Variants in IFI27L1 observed in about 807,000 individuals in gnomAD.
IFI27L1 encodes interferon alpha-inducible protein 27-like protein 1.
A neutral mutation model predicts 9.2 loss-of-function variants in IFI27L1; 3 were observed. That is an observed-to-expected ratio of 0.32 (90% CI 0.15 to 0.84). The LOEUF is 0.84. Ranked by LOEUF, IFI27L1 falls within the 40% of genes least tolerant of loss-of-function variation. IFI27L1 has a pLI of 0.56. For synonymous variants in IFI27L1, 53 were observed against 50.0 expected, an observed-to-expected ratio of 1.06 and a Z score of -0.26; for missense variants, 133 against 134.2, an observed-to-expected ratio of 0.99 and a Z score of 0.05.
chr14:94,101,389 G>C, intron 3 of IFI27L1: 1 of 236,488 alleles, frequency 4.2e-6, no homozygotes, highest in East Asian at 1.0e-4. Flanking sequence ...GGACCCCCGC[G>C]TGCTGCTGCA....
At position 94,100,632 on chromosome 14, in the gene IFI27L1, G is replaced by A. The variant is rs1886857843; in HGVS notation, c.29-107G>A. 9.4e-6 allele frequency: 15 copies of A among 1,593,640 alleles called. No homozygotes were observed. The South Asian group carries it at 1.4e-4, about 15-fold the overall frequency. On this transcript the variant is annotated intron_variant, in intron 2 of 4. Coordinates refer to ENST00000555523, the MANE Select transcript of IFI27L1 (RefSeq NM_206949.3). ...AGGATGAGTAGGGGGCTTCAGAAGA[G>A]GGAAAGAATAGCAAAGTTGAATTTG...
intron 2 of IFI27L1, chr14:94,100,242 A>AT: frequency 3.0e-6 from 3 of 984,082 alleles, no homozygotes; most frequent in Non-Finnish European, 3.6e-6. Context: ...GCAGGGAGTG[A>AT]TGGGAGGATT....
intron 1 of IFI27L1, among the ~76,000 whole-genome samples, chr14:94,084,438 G>A (rs1425867833): frequency 6.6e-6 from 1 of 152,200 alleles, no homozygotes; most frequent in Non-Finnish European, 1.5e-5. Context: ...AGAGGTCAAG[G>A]CTGCAGTGAG....
At chr14:94,098,454 A>C (rs941539230) in intron 2 of IFI27L1, among the ~76,000 whole-genome samples, 1 of 152,062 alleles carries the variant, frequency 6.6e-6, no homozygotes, top group African/African-American at 2.4e-5. Flanking sequence ...GGCCCACCCT[A>C]CTCCAGTATG....
chr14:94,082,206 C>T (rs963230320), intron 1 of IFI27L1, among the ~76,000 whole-genome samples: 3 of 152,296 alleles, frequency 2.0e-5, no homozygotes, highest in Non-Finnish European at 4.4e-5. Context: ...CTACAGCATC[C>T]CCTAAACCCA....
At chr14:94,094,266 G>C (rs1315725472) in intron 1 of IFI27L1, among the ~76,000 whole-genome samples, 1 of 152,178 alleles carries the variant, frequency 6.6e-6, no homozygotes, top group Non-Finnish European at 1.5e-5. Flanking sequence ...ACTCTTTGCT[G>C]ATGGCTGTGG....
chr14:94,097,209 C>T lies in IFI27L1; in HGVS notation c.28+244C>T, dbSNP rs1886707182. Among the ~76,000 whole-genome samples the T allele has an allele frequency of 2.6e-5, 4 of 152,286 alleles. No individual in the cohort carries two copies. In the South Asian group the frequency reaches 8.3e-4, roughly 32 times the overall value. On this transcript the variant is annotated intron_variant, in intron 2 of 4. Coordinates refer to ENST00000555523, the MANE Select transcript of IFI27L1 (RefSeq NM_206949.3). ...AAAGGAAGACAAAGGTTTTTAAAAG[C>T]AAAACAAGGAAAGTTACTAAGTGGT...
At chr14:94,101,251 C>G (rs1015039860) in intron 3 of IFI27L1, 1 of 244,548 alleles carries the variant, frequency 4.1e-6, no homozygotes, top group African/African-American at 2.2e-5. Flanking sequence ...TAATGTTTCT[C>G]TGTCACCTGC....
chr14:94,097,370 G>A, intron 2 of IFI27L1: 1 of 555,958 alleles, frequency 1.8e-6, no homozygotes, highest in Non-Finnish European at 3.2e-6. Context: ...GGTTTTCAGA[G>A]CATCTTTGTA....
At chr14:94,100,919 G>C (rs1886870991) in intron 3 of IFI27L1, 148 bp downstream of exon 3, 4 of 860,670 alleles carry the variant, frequency 4.6e-6, no homozygotes, top group African/African-American at 3.3e-5. Context: ...GGGGACCTTA[G>C]AGCAGCAGGA....
intron 1 of IFI27L1, 128 bp downstream of exon 1, chr14:94,081,577 C>T (rs983595883): frequency 2.0e-5 from 3 of 152,290 alleles, no homozygotes; most frequent in Admixed American, 2.0e-4. Flanking sequence ...AAAGCAAAAG[C>T]AAGTTTATTA....
At chr14:94,094,908 T>C (rs1469803337) in intron 1 of IFI27L1, 1 of 152,020 alleles carries the variant, frequency 6.6e-6, no homozygotes, top group Non-Finnish European at 1.5e-5. Flanking sequence ...GGGTAAGTGG[T>C]GGGGTACATT....
intron 1 of IFI27L1, among the ~76,000 whole-genome samples, chr14:94,087,539 G>C (rs1354161805): frequency 6.6e-6 from 1 of 152,190 alleles, no homozygotes; most frequent in Non-Finnish European, 1.5e-5. Flanking sequence ...CCATTCTCCT[G>C]CCTCAGCCTC....
chr14:94,093,649 G>C (rs767642506), intron 1 of IFI27L1, among the ~76,000 whole-genome samples: 2 of 152,184 alleles, frequency 1.3e-5, no homozygotes, highest in East Asian at 1.9e-4. Context: ...TCTCTGACCA[G>C]GGGCCCTGGT....
chr14:94,102,607 G>T lies in IFI27L1; in HGVS notation c.*39G>T. 1 of 1,260,224 alleles carries T rather than the reference G, an allele frequency of 7.9e-7. No homozygotes were observed. The highest frequency in any genetic ancestry group is 1.1e-6 in the Non-Finnish European group (1 of 919,792). The allele number at this position is 1,260,224 out of a possible 1,614,324, so 78.1% of individuals were successfully genotyped here. On this transcript the variant is annotated 3_prime_UTR_variant, in exon 5 of 5. Transcript: ENST00000555523. ...GCAGGGAGTTGGCTCTCTTGGTGGA[G>T]ATGACTTTCCTGGGCCTCTGGATGA...
intron 1 of IFI27L1, among the ~76,000 whole-genome samples, chr14:94,086,611 TAATGTCA>T (rs1886290378): frequency 1.3e-5 from 2 of 152,052 alleles, no homozygotes; most frequent in African/African-American, 4.8e-5. Context: ...AGTAACACTA[TAATGTCA>T]CCCCAAACCA....
chr14:94,092,251 C>A (rs372113736), intron 1 of IFI27L1, among the ~76,000 whole-genome samples: 1 of 152,036 alleles, frequency 6.6e-6, no homozygotes, highest in South Asian at 2.1e-4. Flanking sequence ...CTCTGGCTCA[C>A]GTCTGTAATC....
At chr14:94,098,241 G>T (rs964053556) in intron 2 of IFI27L1, among the ~76,000 whole-genome samples, 1 of 152,230 alleles carries the variant, frequency 6.6e-6, no homozygotes, top group Non-Finnish European at 1.5e-5. Flanking sequence ...CCAGGGCCAT[G>T]CTGTCTCTGA....
chr14:94,101,824 G>A lies in IFI27L1; in HGVS notation c.72G>A (p.Val24=). Residue 24 remains valine, a synonymous_variant, in exon 4 of 5, where the codon GTG becomes GTA. Transcript: ENST00000555523. ...CTCCACTTCCCGCAGTTGTGGCTGT[G>A]GGGACTGTGCTCGTGGCGCTCAGTG... The part of the protein sequence containing the change: ...VAAVVGGVVA[V]GTVLVALSAM... The A allele has an allele frequency of 1.9e-6, 3 of 1,614,226 alleles. No individual in the cohort carries two copies. The highest frequency in any genetic ancestry group is 2.5e-6 in the Non-Finnish European group (3 of 1,180,040).
Sources: gnomAD v4.1 joint callset for allele counts (sites outside exome capture counted in the v4.1 genomes callset) on GRCh38, gnomAD v4.1.1 for gene constraint, MANE v1.5 for transcripts, NCBI Gene and HGNC (gene_info 2026-07-23, HGNC 2026-07-21) for gene names.